UBXN8: variants seen among roughly 807,000 people sequenced by gnomAD.
UBXN8 encodes UBX domain-containing protein 8.
Under a neutral mutation model 32.1 loss-of-function variants are expected in UBXN8, and 27 were observed. The observed-to-expected ratio is 0.84, with a 90% CI of 0.62 to 1.16. The LOEUF (loss-of-function observed/expected upper bound fraction) is 1.16. Ranked by LOEUF, UBXN8 falls within the 50% of genes most tolerant of loss-of-function variation. UBXN8 has a pLI of 0.00. For missense variants in UBXN8, 306 were observed against 311.4 expected (o/e 0.98, Z 0.13); for synonymous variants, 109 against 111.8 (o/e 0.98, Z 0.16).
At chr8:30,759,354 A>AC (rs1285005120) in intron 5 of UBXN8, among the ~76,000 whole-genome samples, 2 of 149,380 alleles carry the variant, frequency 1.3e-5, no homozygotes, top group Non-Finnish European at 3.0e-5. Flanking sequence ...TCATGCCTCA[A>AC]CCTCCTGAGT....
chr8:30,739,362 G>A (rs552392054), upstream of UBXN8, among the ~76,000 whole-genome samples: 1 of 150,842 alleles, frequency 6.6e-6, no homozygotes, highest in African/African-American at 2.4e-5. Context: ...GGCTAACACG[G>A]TGAAACCCCG....
Position 30,738,382 on chromosome 8 carries a change from C to T in UBXN8, c.622+5074C>T, listed in dbSNP as rs559223949. On this transcript the variant is annotated intron_variant, in intron 1 of 1. Coordinates refer to the UBXN8 transcript ENST00000522968. ...AAAAAATAATAATAATAATAAAGGC[C>T]GTGTGCGGTGGCTCACGCCTGTAAT... Among the ~76,000 whole-genome samples the T allele has an allele frequency of 2.3e-4, 35 of 151,988 alleles. No individual in the cohort carries two copies. The South Asian group carries it at 4.6e-3, about 20-fold the overall frequency.
chr8:30,738,708 C>T (rs1236352692), intron 1 of UBXN8, among the ~76,000 whole-genome samples: 1 of 150,242 alleles, frequency 6.7e-6, no homozygotes, highest in Non-Finnish European at 1.5e-5. Context: ...GTACTCCCAG[C>T]ACTTTGGGAG....
intron 6 of UBXN8, among the ~76,000 whole-genome samples, chr8:30,762,774 C>A (rs1422565044): frequency 6.6e-6 from 1 of 152,126 alleles, no homozygotes; most frequent in Non-Finnish European, 1.5e-5. Flanking sequence ...TAATATGATA[C>A]CCACATAACT....
At chr8:30,732,527 A>C (rs1804987422), upstream of UBXN8, 1 of 329,226 alleles carries the variant, frequency 3.0e-6, no homozygotes, top group African/African-American at 2.2e-5. Context: ...CAAACTTTGC[A>C]GTATTAGCTA....
intron 5 of UBXN8, among the ~76,000 whole-genome samples, chr8:30,759,124 A>T (rs1054216655): frequency 7.9e-5 from 12 of 151,114 alleles, no homozygotes; most frequent in African/African-American, 2.7e-4. Flanking sequence ...CGATCTCCTG[A>T]CCTCATGATC....
At chr8:30,751,554 TCTA>T in intron 2 of UBXN8, 36 bp downstream of exon 2, 1 of 1,513,032 alleles carries the variant, frequency 6.6e-7, no homozygotes, top group Admixed American at 2.3e-5. Context: ...TTTATACCAT[TCTA>T]CTCAAATTTA....
At chr8:30,758,900 T>TTTTTTTTTTTTTTTTTGG (rs1554578741) in intron 5 of UBXN8, among the ~76,000 whole-genome samples, 1 of 121,998 alleles carries the variant, frequency 8.2e-6, no homozygotes, top group Non-Finnish European at 1.6e-5. Flanking sequence ...TTTTGTTTTT[T>TTTTTTTTTTTTTTTTTGG]TTTTTTTTTT....
upstream of UBXN8, among the ~76,000 whole-genome samples, chr8:30,739,474 G>A (rs1398242901): frequency 6.6e-6 from 1 of 152,142 alleles, no homozygotes; most frequent in African/African-American, 2.4e-5. Flanking sequence ...AACCTGGGAG[G>A]TGGAGTTTGC....
chr8:30,751,581 T>G, intron 2 of UBXN8, 63 bp downstream of exon 2: 5 of 1,388,780 alleles, frequency 3.6e-6, no homozygotes, highest in Non-Finnish European at 4.8e-6. Context: ...ATTCTAGAAC[T>G]TTGCACAGTA....
chr8:30,738,426 G>A (rs7016457), intron 1 of UBXN8, among the ~76,000 whole-genome samples: 20,997 of 151,436 alleles, frequency 0.14, 2,389 homozygotes, highest in African/African-American at 0.31. Flanking sequence ...TCGGGAGGCC[G>A]AGGCGGGCGG....
chr8:30,738,907 G>T (rs1805128446), intron 1 of UBXN8, among the ~76,000 whole-genome samples: 1 of 150,878 alleles, frequency 6.6e-6, no homozygotes. Flanking sequence ...AGTGAGCTGA[G>T]ATTGTGCTAT....
intron 1 of UBXN8, among the ~76,000 whole-genome samples, chr8:30,746,158 C>T (rs1233296687): frequency 1.3e-5 from 2 of 152,184 alleles, no homozygotes; most frequent in African/African-American, 4.8e-5. Flanking sequence ...CTATAAATTG[C>T]ACCTGGGCTC....
chr8:30,751,344 T>C, intron 1 of UBXN8, 52 bp from the exon 2 acceptor site: 12 of 1,474,180 alleles, frequency 8.1e-6, no homozygotes, highest in Non-Finnish European at 1.1e-5. Context: ...TGAGACCTCA[T>C]CTCTTAAAAA....
At chr8:30,762,400 G>A (rs1805857149) in intron 6 of UBXN8, among the ~76,000 whole-genome samples, 3 of 151,442 alleles carry the variant, frequency 2.0e-5, no homozygotes, top group Admixed American at 2.0e-4. Flanking sequence ...TTTTGTTTTT[G>A]TTTTTGTTTT....
Position 30,756,802 on chromosome 8 carries a change from C to T in UBXN8, c.443C>T (p.Ser148Leu), listed in dbSNP as rs757323661. ...EGTSQTSFET[S>L]NREAAKSQNL... Reference sequence around the variant, plus strand: ...ACAAGTCAGACATCTTTTGAAACATCAAACAGAGAAGCAGCAAAGAGCCAG... The same window carrying T: ...ACAAGTCAGACATCTTTTGAAACATTAAACAGAGAAGCAGCAAAGAGCCAG... Residue 148 changes from serine to leucine, a missense_variant, in exon 5 of 8, where the codon TCA (serine) becomes TTA (leucine). By Grantham distance (145) the Ser-to-Leu change is moderately radical (BLOSUM62 -2). Transcript: ENST00000265616. The T allele has an allele frequency of 2.5e-6, 4 of 1,614,002 alleles. No homozygotes were observed. In the South Asian group the frequency reaches 3.3e-5, roughly 13 times the overall value.
At position 30,751,375 on chromosome 8, in the gene UBXN8, T is replaced by A. The variant is rs149656470; in HGVS notation, c.89-21T>A. 5.3e-4 allele frequency: 813 copies of A among 1,547,136 alleles called. 6 individuals carry two copies. The African/African-American group carries it at 0.01, about 20-fold the overall frequency. ...AAAAAAAAAGTTTTGAATTTTAATT[T>A]TAGTTTTTTTCCTTTATCAGGAATC... On this transcript the variant is annotated intron_variant, in intron 1 of 7. Transcript: ENST00000265616.
upstream of UBXN8, among the ~76,000 whole-genome samples, chr8:30,730,263 A>T (rs935814831): frequency 6.6e-6 from 1 of 152,216 alleles, no homozygotes; most frequent in Non-Finnish European, 1.5e-5. Context: ...GGATGGGCAC[A>T]TGGCGGAGAG....
Position 30,766,380 on chromosome 8 carries a change from G to T in UBXN8, c.799G>T (p.Glu267Ter). The T allele has an allele frequency of 6.2e-7, 1 of 1,604,218 alleles. No individual in the cohort carries two copies. The highest frequency in any genetic ancestry group is 1.1e-5 in the South Asian group (1 of 89,946). Reference protein sequence around the residue: ...VDTVLILEEKEQTN With the variant: ...VDTVLILEEK ...CACTGTACTCATCCTGGAGGAGAAG[G>T]AGCAGACCAACTAGGAAAGAAGGGA... is the stretch of plus-strand genomic sequence containing the variant. The change falls in exon 8 of 8, where the codon GAG becomes TAG. Residue 267 changes from glutamate (E) to a stop codon, truncating the protein, a stop_gained. Coordinates refer to ENST00000265616, the MANE Select transcript of UBXN8 (RefSeq NM_005671.4). LOFTEE classifies it high-confidence loss of function.
Sources: allele counts gnomAD v4.1 joint callset (sites outside exome capture counted in the v4.1 genomes callset), GRCh38; gene constraint gnomAD v4.1.1; transcripts MANE v1.5; gene names NCBI Gene and HGNC (gene_info 2026-07-23, HGNC 2026-07-21).